Variants in MBTD1 observed in about 807,000 individuals in gnomAD.
MBTD1 encodes MBT domain-containing protein 1.
A neutral mutation model predicts 87.8 loss-of-function variants in MBTD1; 24 were observed. The ratio of observed to expected loss-of-function variants is 0.27; its 90% CI spans 0.20 to 0.38. The LOEUF (loss-of-function observed/expected upper bound fraction) is 0.38, where lower values mean the gene tolerates loss of function less well. MBTD1 is among the 10% of genes least tolerant of loss of function. The probability of loss-of-function intolerance (pLI) is 1.00; values close to 1 mark genes in which losing one functional copy is unlikely to be tolerated. For missense variants in MBTD1, 436 were observed against 760.2 expected (o/e 0.57, Z 5.02); for synonymous variants, 237 against 248.6 (o/e 0.95, Z 0.44).
At chr17:51,233,821 C>T (rs570662627) in intron 2 of MBTD1, among the ~76,000 whole-genome samples, 31 of 152,140 alleles carry the variant, frequency 2.0e-4, no homozygotes, top group African/African-American at 6.3e-4. Context: ...TTAAAAGCTT[C>T]GGCACTATGC....
At position 51,180,324 on chromosome 17, in the gene MBTD1, G is replaced by C. The variant is rs1262636844; in HGVS notation, c.*252C>G. The C allele has an allele frequency of 1.7e-5, 6 of 363,220 alleles. No individual in the cohort carries two copies. Among genetic ancestry groups the C allele is most frequent in the Middle Eastern group, 7.6e-4 (1 of 1,316 alleles). 22.5% of individuals were successfully genotyped at this position (363,220 alleles called of 1,614,324 possible). A position where few individuals can be genotyped will look rare whatever the true frequency, so the allele number is the denominator to read the frequency against. ...TAACAATGCACATAAATCCAAACTT[G>C]GAAAATATTACAAAATTCTTTCAAA... On this transcript the variant is annotated 3_prime_UTR_variant, in exon 17 of 17. Transcript: ENST00000586178.
chr17:51,214,771 G>A (rs755199172), intron 6 of MBTD1, among the ~76,000 whole-genome samples: 8 of 152,116 alleles, frequency 5.3e-5, no homozygotes, highest in Non-Finnish European at 1.2e-4. Flanking sequence ...GTAGAGTCTG[G>A]AACAAAGAGG....
chr17:51,179,496 A>ATATATATT lies in MBTD1; in HGVS notation c.*1079_*1080insAATATATA, dbSNP rs1568135706. On this transcript the variant is annotated 3_prime_UTR_variant, in exon 17 of 17. Transcript: ENST00000586178. ...ATTAAAGACAATTTTATATATATAT[A>ATATATATT]TATATATATATATATATATATATAT... The ATATATATT allele has an allele frequency of 2.8e-4, 15 of 53,082 alleles. 1 individual carries two copies. The highest frequency in any genetic ancestry group is 4.2e-4 in the Admixed American group (2 of 4,736). 3.3% of individuals were successfully genotyped at this position (53,082 alleles called of 1,614,324 possible).
intron 2 of MBTD1, among the ~76,000 whole-genome samples, chr17:51,240,753 A>C (rs1457951717): frequency 6.6e-6 from 1 of 152,176 alleles, no homozygotes; most frequent in Non-Finnish European, 1.5e-5. Context: ...CCCACATTTA[A>C]GGAACAGGGA....
chr17:51,256,381 A>T (rs1414046331), intron 2 of MBTD1: 1 of 152,236 alleles, frequency 6.6e-6, no homozygotes, highest in Non-Finnish European at 1.5e-5. Flanking sequence ...ATTCTAAATT[A>T]TCAGTGCTAA....
chr17:51,212,488 T>C (rs895190752), intron 6 of MBTD1, among the ~76,000 whole-genome samples: 7 of 146,398 alleles, frequency 4.8e-5, no homozygotes, highest in African/African-American at 1.8e-4. Flanking sequence ...AGGGAGAAAA[T>C]GGGATGATTT....
At chr17:51,260,785 G>A, upstream of MBTD1, 3 of 1,579,540 alleles carry the variant, frequency 1.9e-6, no homozygotes, top group South Asian at 2.3e-5. Flanking sequence ...CGGCGGCGGA[G>A]GAAGAGAGAC....
intron 6 of MBTD1, among the ~76,000 whole-genome samples, chr17:51,214,159 G>C (rs72826476): frequency 0.03 from 4,613 of 152,080 alleles, 104 homozygotes; most frequent in Middle Eastern, 0.055. Context: ...TAGAGACAAG[G>C]TCTTGCTATG....
At chr17:51,224,769 A>T (rs1453889218) in intron 3 of MBTD1, among the ~76,000 whole-genome samples, 1 of 152,230 alleles carries the variant, frequency 6.6e-6, no homozygotes, top group African/African-American at 2.4e-5. Flanking sequence ...TACTAAATTT[A>T]TATCCACATG....
intron 6 of MBTD1, among the ~76,000 whole-genome samples, chr17:51,215,447 T>C (rs2052510533): frequency 1.3e-5 from 2 of 152,182 alleles, no homozygotes; most frequent in African/African-American, 2.4e-5. Flanking sequence ...CAGTCTGATA[T>C]GGTTTATAAT....
At chr17:51,228,301 G>A (rs2053346683) in intron 2 of MBTD1, among the ~76,000 whole-genome samples, 1 of 152,056 alleles carries the variant, frequency 6.6e-6, no homozygotes, top group African/African-American at 2.4e-5. Context: ...TCTGGGTGAT[G>A]AAATAATCTG....
intron 2 of MBTD1, among the ~76,000 whole-genome samples, chr17:51,228,142 T>G (rs2053335770): frequency 6.6e-6 from 1 of 152,106 alleles, no homozygotes; most frequent in Non-Finnish European, 1.5e-5. Context: ...ATACCACATG[T>G]TCTCACTTAT....
chr17:51,223,485 G>C (rs964740303), intron 3 of MBTD1, among the ~76,000 whole-genome samples: 3 of 151,920 alleles, frequency 2.0e-5, no homozygotes, highest in African/African-American at 7.3e-5. Context: ...GCAGTGAGTC[G>C]AGATCTTGCC....
In MBTD1 at chr17:51,179,487, TATA is replaced by T. The variant is rs1568135507; in HGVS notation, c.*1086_*1088del. On this transcript the variant is annotated 3_prime_UTR_variant, in exon 17 of 17. Coordinates refer to ENST00000586178, the MANE Select transcript of MBTD1 (RefSeq NM_017643.3). ...CTGAATACAATTAAAGACAATTTTA[TATA>T]TATATATATATATATATATATATAT... 1.5e-3 allele frequency: 23 copies of T among 15,566 alleles called. No individual in the cohort carries two copies. Among genetic ancestry groups the T allele is most frequent in the Non-Finnish European group, 2.7e-3 (20 of 7,530 alleles). 1.0% of individuals were successfully genotyped at this position (15,566 alleles called of 1,614,324 possible). A position where few individuals can be genotyped will look rare whatever the true frequency, so the allele number is the denominator to read the frequency against.
At chr17:51,258,161 A>T (rs150424397) in intron 2 of MBTD1, among the ~76,000 whole-genome samples, 228 of 152,364 alleles carry the variant, frequency 1.5e-3, no homozygotes, top group African/African-American at 5.2e-3. Flanking sequence ...CTAACCTTTT[A>T]AATAGGAGAC....
At chr17:51,204,257 C>T (rs1008055441) in intron 7 of MBTD1, among the ~76,000 whole-genome samples, 8 of 151,922 alleles carry the variant, frequency 5.3e-5, no homozygotes, top group Non-Finnish European at 1.0e-4. Flanking sequence ...CCCATAATTT[C>T]TTTTTCTTTT....
upstream of MBTD1, chr17:51,260,150 C>T (rs956886906): frequency 1.1e-5 from 4 of 368,890 alleles, no homozygotes; most frequent in Non-Finnish European, 9.7e-6. Context: ...GTGGGACCCT[C>T]TGCAGGCTCC....
chr17:51,260,949 G>T, upstream of MBTD1: 2 of 1,500,378 alleles, frequency 1.3e-6, no homozygotes, highest in Non-Finnish European at 8.9e-7. Flanking sequence ...GCGGCGCGCG[G>T]GCTGGGCGCA....
intron 8 of MBTD1, 79 bp from the exon 9 acceptor site, chr17:51,203,307 T>G: frequency 2.7e-6 from 2 of 753,640 alleles, no homozygotes; most frequent in South Asian, 4.7e-5. Flanking sequence ...AAGTAACAAA[T>G]TTCCTTGCAA....
Sources: gnomAD v4.1 joint callset for allele counts (sites outside exome capture counted in the v4.1 genomes callset) on GRCh38, gnomAD v4.1.1 for gene constraint, MANE v1.5 for transcripts, NCBI Gene and HGNC (gene_info 2026-07-23, HGNC 2026-07-21) for gene names.